Variants in IQSEC1 observed in about 807,000 individuals in gnomAD.
IQSEC1 encodes the protein IQ motif and Sec7 domain ArfGEF 1, also known as IQ motif and SEC7 domain-containing protein 1.
Under a neutral mutation model 91.0 loss-of-function variants are expected in IQSEC1, and 31 were observed. The ratio of observed to expected loss-of-function variants is 0.34; its 90% CI spans 0.26 to 0.46. The LOEUF is 0.46. IQSEC1 is among the 20% of genes least tolerant of loss of function. IQSEC1 has a pLI of 1.00. For missense variants in IQSEC1, 1,388 were observed against 1,575.6 expected (o/e 0.88, Z 2.02); for synonymous variants, 699 against 662.6 (o/e 1.05, Z -0.84).
At chr3:12,941,932 G>C in intron 1 of IQSEC1, 67 bp from the exon 2 acceptor site, 1 of 1,395,774 alleles carries the variant, frequency 7.2e-7, no homozygotes, top group South Asian at 1.4e-5. Context: ...CCGGGCCGTG[G>C]GGCGTGACCC....
chr3:13,226,149 G>T (rs985723053), intron 1 of IQSEC1, among the ~76,000 whole-genome samples: 7 of 152,182 alleles, frequency 4.6e-5, no homozygotes, highest in Non-Finnish European at 8.8e-5. Flanking sequence ...AAAGTGCTGG[G>T]ATTACAGGCG....
chr3:13,175,107 G>A (rs1474439135), intron 1 of IQSEC1, among the ~76,000 whole-genome samples: 1 of 152,110 alleles, frequency 6.6e-6, no homozygotes, highest in Non-Finnish European at 1.5e-5. Flanking sequence ...CTCACCAGAT[G>A]GATCCCTGGA....
chr3:12,938,560 A>C (rs547590958), intron 2 of IQSEC1, among the ~76,000 whole-genome samples: 27 of 152,336 alleles, frequency 1.8e-4, no homozygotes, highest in African/African-American at 6.5e-4. Flanking sequence ...ACGCCATCCA[A>C]GAAATGACCT....
chr3:13,136,846 T>C (rs1411295997), intron 2 of IQSEC1, among the ~76,000 whole-genome samples: 1 of 152,040 alleles, frequency 6.6e-6, no homozygotes, highest in Admixed American at 6.5e-5. Flanking sequence ...ACTTTAAAAA[T>C]CATTCTGGGG....
At chr3:13,215,286 A>T (rs1441163036) in intron 1 of IQSEC1, among the ~76,000 whole-genome samples, 1 of 151,580 alleles carries the variant, frequency 6.6e-6, no homozygotes, top group Non-Finnish European at 1.5e-5. Flanking sequence ...AGAGAAATCC[A>T]CACGGCTGCC....
At chr3:13,180,887 A>G (rs9836654) in intron 1 of IQSEC1, among the ~76,000 whole-genome samples, 4,879 of 150,966 alleles carry the variant, frequency 0.032, 264 homozygotes, top group African/African-American at 0.11. Context: ...CGGACATGCC[A>G]CCTTTAAGAC....
chr3:12,939,920 A>G (rs1189839588), intron 2 of IQSEC1, among the ~76,000 whole-genome samples: 3 of 152,208 alleles, frequency 2.0e-5, no homozygotes, highest in Non-Finnish European at 4.4e-5. Flanking sequence ...AGTGGAGCTC[A>G]AGAGCAGGGG....
chr3:13,165,580 G>C (rs1312377926), intron 1 of IQSEC1, among the ~76,000 whole-genome samples: 6 of 144,076 alleles, frequency 4.2e-5, no homozygotes, highest in Non-Finnish European at 9.1e-5. Context: ...GTGTGTGTGT[G>C]TCTGTCTGTC....
intron 1 of IQSEC1, among the ~76,000 whole-genome samples, chr3:13,272,714 T>C (rs1226688188): frequency 6.6e-6 from 1 of 152,208 alleles, no homozygotes; most frequent in Non-Finnish European, 1.5e-5. Flanking sequence ...GATGTGAGCA[T>C]GTCATGGGCT....
chr3:12,965,337 C>T (rs1226595049), intron 1 of IQSEC1, among the ~76,000 whole-genome samples: 2 of 152,174 alleles, frequency 1.3e-5, no homozygotes, highest in Non-Finnish European at 2.9e-5. Context: ...CGTGCTGCAT[C>T]CCATCCGGGT....
chr3:13,111,534 CCTT>C (rs1378523178), intron 2 of IQSEC1, among the ~76,000 whole-genome samples: 4 of 152,188 alleles, frequency 2.6e-5, no homozygotes, highest in Admixed American at 1.3e-4. Context: ...GGGCTAAACT[CCTT>C]CTAATTGAGA....
intron 1 of IQSEC1, among the ~76,000 whole-genome samples, chr3:13,244,730 A>G (rs1695079763): frequency 6.6e-6 from 1 of 152,164 alleles, no homozygotes; most frequent in Non-Finnish European, 1.5e-5. Context: ...GAGGACTGTC[A>G]AGGAGTGGGC....
At chr3:12,904,759 G>C (rs1373718982) in intron 12 of IQSEC1, among the ~76,000 whole-genome samples, 1 of 152,220 alleles carries the variant, frequency 6.6e-6, no homozygotes, top group African/African-American at 2.4e-5. Flanking sequence ...CAGGGCCAGA[G>C]GGGAGATGGC....
At chr3:13,138,372 G>A (rs1439719836) in intron 2 of IQSEC1, among the ~76,000 whole-genome samples, 16 of 151,966 alleles carry the variant, frequency 1.1e-4, no homozygotes, top group Admixed American at 1.0e-3. Context: ...CCCGAGAGGA[G>A]CGGCTGGCCT....
chr3:12,942,974 CAATA>C (rs1698894547), intron 1 of IQSEC1, among the ~76,000 whole-genome samples: 1 of 152,260 alleles, frequency 6.6e-6, no homozygotes, highest in African/African-American at 2.4e-5. Context: ...AATTGTGTGA[CAATA>C]AATGTCTGTT....
intron 1 of IQSEC1, among the ~76,000 whole-genome samples, chr3:13,171,275 C>G (rs1693605626): frequency 6.6e-6 from 1 of 152,182 alleles, no homozygotes; most frequent in Non-Finnish European, 1.5e-5. Flanking sequence ...CAAGGGCACA[C>G]AGACTGTCAA....
rs78758142 is a variant in IQSEC1 at position 12,899,528 on chromosome 3, G to A, written c.*1455C>T. ...CATGGTGTCACCACAACACAGAAGC[G>A]ACAAGAGCACAGCTGAGAGTCATGT... On this transcript the variant is annotated 3_prime_UTR_variant, in exon 14 of 14. Transcript: ENST00000613206. The A allele has an allele frequency of 2.1e-3, 3,229 of 1,534,646 alleles. 64 individuals are homozygous for A. The African/African-American group carries it at 0.039, about 19-fold the overall frequency.
intron 1 of IQSEC1, among the ~76,000 whole-genome samples, chr3:13,023,245 G>C (rs1257105003): frequency 6.6e-6 from 1 of 152,128 alleles, no homozygotes; most frequent in Non-Finnish European, 1.5e-5. Context: ...GAAGGCCTTG[G>C]GGTCTGGGCC....
At chr3:13,136,787 C>T (rs907554348) in intron 2 of IQSEC1, among the ~76,000 whole-genome samples, 8 of 152,118 alleles carry the variant, frequency 5.3e-5, no homozygotes, top group African/African-American at 1.7e-4. Flanking sequence ...GCATGTAGAT[C>T]GGGTGGAATA....
Sources: gnomAD v4.1 joint callset for allele counts (sites outside exome capture counted in the v4.1 genomes callset) on GRCh38, gnomAD v4.1.1 for gene constraint, MANE v1.5 for transcripts, NCBI Gene and HGNC (gene_info 2026-07-23, HGNC 2026-07-21) for gene names.